ZNF71: variants seen among roughly 807,000 people sequenced by gnomAD.
The protein encoded by ZNF71 is zinc finger protein 71.
In ZNF71, 3 loss-of-function variants were observed where a neutral mutation model predicts 6.7. The ratio of observed to expected loss-of-function variants is 0.45; its 90% CI spans 0.20 to 1.16. The LOEUF (loss-of-function observed/expected upper bound fraction) is 1.16, where lower values mean the gene tolerates loss of function less well. Among genes scored for constraint, ZNF71 ranks in the 50% most tolerant of loss-of-function variants. The pLI is 0.25. For missense variants in ZNF71, 688 were observed against 728.6 expected (o/e 0.94, Z 0.64); for synonymous variants, 343 against 311.1 (o/e 1.10, Z -1.08).
At chr19:56,611,197 G>T (rs1478525683) in intron 2 of ZNF71, among the ~76,000 whole-genome samples, 1 of 152,184 alleles carries the variant, frequency 6.6e-6, no homozygotes, top group African/African-American at 2.4e-5. Flanking sequence ...GGCTGGCAGG[G>T]CTGGAGCAGA....
At chr19:56,614,002 A>G (rs994769883) in intron 3 of ZNF71, 64 bp downstream of exon 3, 1 of 141,774 alleles carries the variant, frequency 7.1e-6, no homozygotes, top group Non-Finnish European at 1.2e-5. Context: ...CAAATAAATT[A>G]AAAAAAAAAA....
intron 2 of ZNF71, among the ~76,000 whole-genome samples, chr19:56,608,036 A>G (rs1246598934): frequency 6.6e-6 from 1 of 152,232 alleles, no homozygotes; most frequent in Non-Finnish European, 1.5e-5. Context: ...ATCCAAGGGA[A>G]AAAGAGGGAG....
At chr19:56,617,463 C>T (rs767387198) in intron 3 of ZNF71, among the ~76,000 whole-genome samples, 2 of 151,344 alleles carry the variant, frequency 1.3e-5, no homozygotes, top group Non-Finnish European at 2.9e-5. Context: ...TAATCAGAAA[C>T]AAGCATAGAA....
At position 56,622,182 on chromosome 19, in the gene ZNF71, G is replaced by A. The variant is rs761273823; in HGVS notation, c.1075G>A (p.Ala359Thr). ...QRTHTGEKPY[A>T]CKECGKAFNK... The stretch of plus-strand genomic sequence containing the variant: ...CACGCACACCGGGGAGAAGCCGTAC[G>A]CCTGCAAGGAGTGCGGCAAGGCCTT... Residue 359 changes from alanine (A) to threonine (T), a missense_variant, in exon 4 of 4, where the codon GCC becomes ACC. Transcript: ENST00000599599. The A allele has an allele frequency of 8.1e-6, 13 of 1,613,492 alleles. No homozygotes were observed. The African/African-American group carries it at 1.6e-4, about 20-fold the overall frequency.
Position 56,622,256 on chromosome 19 carries a change from G to A in ZNF71, c.1149G>A (p.Glu383=), listed in dbSNP as rs1305034532. Residue 383 remains glutamate, a synonymous_variant, in exon 4 of 4, where the codon GAG becomes GAA. Transcript: ENST00000599599. ...TGCACCAGAGGAACCACACCGGCGA[G>A]AAGCCCTACGTGTGCGGCGAGTGCG... is the stretch of plus-strand genomic sequence containing the variant. ...LTLHQRNHTG[E]KPYVCGECGK... is the part of the protein sequence containing the mutation. 2 of 1,609,106 alleles carry A rather than the reference G, an allele frequency of 1.2e-6. No individual in the cohort carries two copies. Among genetic ancestry groups the A allele is most frequent in the East Asian group, 2.2e-5 (1 of 44,866 alleles).
At position 56,597,331 on chromosome 19, in the gene ZNF71, G is replaced by A. The variant is rs2044633450; in HGVS notation, c.-53+1903G>A. Reference sequence around the variant, plus strand: ...GGAATTTTTTTTTATATTAAATTGTGTTTCAAAAATGTTGATGGTAATATG... The same window carrying A: ...GGAATTTTTTTTTATATTAAATTGTATTTCAAAAATGTTGATGGTAATATG... On this transcript the variant is annotated intron_variant, in intron 1 of 3. Coordinates refer to ENST00000599599, the MANE Select transcript of ZNF71 (RefSeq NM_001370215.1). Among the ~76,000 whole-genome samples, 5 of 152,212 alleles carry A rather than the reference G, an allele frequency of 3.3e-5. No homozygotes were observed. The South Asian group carries it at 1.0e-3, about 32-fold the overall frequency.
intron 3 of ZNF71, among the ~76,000 whole-genome samples, chr19:56,615,469 G>A (rs58001430): frequency 0.021 from 3,161 of 151,736 alleles, 120 homozygotes; most frequent in African/African-American, 0.072. Flanking sequence ...TCATCACTGC[G>A]CTTTTCATTT....
Position 56,621,802 on chromosome 19 carries a change from C to G in ZNF71, c.695C>G (p.Ser232Cys), listed in dbSNP as rs2044852973. The G allele has an allele frequency of 1.2e-6, 2 of 1,613,974 alleles. No individual in the cohort carries two copies. Among genetic ancestry groups the G allele is most frequent in the South Asian group, 2.2e-5 (2 of 91,076 alleles). ...GGGAAGCACTTCATCGAGCGCTCGTCCCTCACCATCCACCAGCGGGTGCAC... is the reference window on the plus strand; with the variant it reads ...GGGAAGCACTTCATCGAGCGCTCGTGCCTCACCATCCACCAGCGGGTGCAC... ...TCGKHFIERS[S>C]LTIHQRVHTG... The change falls in exon 4 of 4, where the codon TCC becomes TGC. Residue 232 changes from serine to cysteine, a missense_variant. By Grantham distance (112) the Ser-to-Cys change is moderately radical (BLOSUM62 -1). Coordinates refer to ENST00000599599, the MANE Select transcript of ZNF71 (RefSeq NM_001370215.1).
intron 2 of ZNF71, among the ~76,000 whole-genome samples, chr19:56,606,235 G>A (rs2044709273): frequency 6.6e-6 from 1 of 152,264 alleles, no homozygotes; most frequent in African/African-American, 2.4e-5. Flanking sequence ...CCTGGTGCAT[G>A]GCAGGCACTT....
At position 56,622,162 on chromosome 19, in the gene ZNF71, A is replaced by G; in HGVS notation, c.1055A>G (p.His352Arg). 1.2e-6 allele frequency: 2 copies of G among 1,613,848 alleles called. No individual in the cohort carries two copies. Among genetic ancestry groups the G allele is most frequent in the Non-Finnish European group, 1.7e-6 (2 of 1,179,900 alleles). ...CACCTGACCGAGCACCAGCGCACGC[A>G]CACCGGGGAGAAGCCGTACGCCTGC... ...NMHLTEHQRT[H>R]TGEKPYACKE... is the part of the protein sequence containing the mutation. The change falls in exon 4 of 4, where the codon CAC becomes CGC. Residue 352 changes from histidine to arginine, a missense_variant. Physicochemically the swap from His to Arg is conservative, Grantham distance 29 (BLOSUM62 0). Transcript: ENST00000599599.
Position 56,622,679 on chromosome 19 carries a change from GC to G in ZNF71, c.1575del (p.Tyr526ThrfsTer16). The G allele has an allele frequency of 6.2e-7, 1 of 1,614,158 alleles. No homozygotes were observed. Among genetic ancestry groups the G allele is most frequent in the African/African-American group, 1.3e-5 (1 of 75,076 alleles). On this transcript the variant is annotated frameshift_variant, in exon 4 of 4. Coordinates refer to ENST00000599599, the MANE Select transcript of ZNF71 (RefSeq NM_001370215.1). LOFTEE classifies it low-confidence loss of function (END_TRUNC). The stretch of plus-strand genomic sequence containing the variant: ...ACCAGCGGATCCACACGGGCGAGAA[GC>G]CCTACCGATGCGGCGAGTGCGGGAA... Reference protein sequence around the residue: ...VHQRIHTGEKPYRCGECGKTF... With the variant: ...VHQRIHTGEKXYRCGECGKTF...
intron 2 of ZNF71, among the ~76,000 whole-genome samples, chr19:56,602,568 C>G (rs1339774565): frequency 1.3e-5 from 2 of 152,144 alleles, no homozygotes; most frequent in Non-Finnish European, 2.9e-5. Context: ...TGATAGGGGA[C>G]AAATGGTGCC....
rs918136724 is a variant in ZNF71, at chr19:56,603,991, G to A, written c.33+2400G>A. Among the ~76,000 whole-genome samples, 5 of 152,124 alleles carry A rather than the reference G, an allele frequency of 3.3e-5. No individual in the cohort carries two copies. Among genetic ancestry groups the A allele is most frequent in the African/African-American group, 1.2e-4 (5 of 41,414 alleles). On this transcript the variant is annotated intron_variant, in intron 2 of 3. Transcript: ENST00000599599. This position sits in a 1 kb window ranked among gnomAD's most constrained non-coding sequence, Gnocchi z 4.6. Reference sequence around the variant, plus strand: ...TTTGTTAGCACTTCTGTCCCAACACGATGGGCTCCCAGACCTGGAAGGCTG... The same window carrying A: ...TTTGTTAGCACTTCTGTCCCAACACAATGGGCTCCCAGACCTGGAAGGCTG...
Position 56,622,342 on chromosome 19 carries a change from A to G in ZNF71, c.1235A>G (p.Lys412Arg). 1 of 1,612,410 alleles carries G rather than the reference A, an allele frequency of 6.2e-7. No individual in the cohort carries two copies. The highest frequency in any genetic ancestry group is 8.5e-7 in the Non-Finnish European group (1 of 1,179,286). The change falls in exon 4 of 4, where the codon AAG (lysine) becomes AGG (arginine). Residue 412 changes from lysine to arginine, a missense_variant. Lys to Arg is a conservative substitution (Grantham distance 26, BLOSUM62 2). Coordinates refer to ENST00000599599, the MANE Select transcript of ZNF71 (RefSeq NM_001370215.1). ...IQHQRFHIGV[K>R]PFECSECGKA... is the part of the protein sequence containing the mutation. Reference sequence around the variant, plus strand: ...CACCAGCGCTTCCACATCGGCGTGAAGCCGTTCGAGTGCAGCGAGTGCGGC... The same window carrying G: ...CACCAGCGCTTCCACATCGGCGTGAGGCCGTTCGAGTGCAGCGAGTGCGGC...
In ZNF71 at chr19:56,613,002, C is replaced by T. The variant is rs533535552; in HGVS notation, c.34-810C>T. ...CCCATACCAACCACTTAGAGTAGTA[C>T]CTGGCACATAGCAGCTGCTGCATAA... is the stretch of plus-strand genomic sequence containing the variant. On this transcript the variant is annotated intron_variant, in intron 2 of 3. Coordinates refer to ENST00000599599, the MANE Select transcript of ZNF71 (RefSeq NM_001370215.1). The surrounding 1 kb of genome is among the most constrained non-coding windows in gnomAD (Gnocchi z 4.6). Among the ~76,000 whole-genome samples, 111 of 152,112 alleles carry T rather than the reference C, an allele frequency of 7.3e-4. No individual in the cohort carries two copies. Among genetic ancestry groups the T allele is most frequent in the Non-Finnish European group, 1.4e-3 (94 of 68,024 alleles).
rs780402109 is a variant in ZNF71 at position 56,621,336 on chromosome 19, G to A, written c.229G>A (p.Val77Ile). 47 of 1,544,084 alleles carry A rather than the reference G, an allele frequency of 3.0e-5. No homozygotes were observed. Among genetic ancestry groups the A allele is most frequent in the African/African-American group, 9.6e-5 (7 of 72,550 alleles). Residue 77 changes from valine to isoleucine, a missense_variant, in exon 4 of 4, where the codon GTT (valine) becomes ATT (isoleucine). Physicochemically the swap from Val to Ile is conservative, Grantham distance 29. Coordinates refer to ENST00000599599, the MANE Select transcript of ZNF71 (RefSeq NM_001370215.1). ...TGACATTTCGGAAGACAAGCTCTCC[G>A]TTGTTGGGGAGGCCACGGGGGGACC... Reference protein sequence around the residue: ...KNDISEDKLSVVGEATGGPTR... With the variant: ...KNDISEDKLSIVGEATGGPTR...
rs1364256398 is a variant in ZNF71, at chr19:56,622,529, G to C, written c.1422G>C (p.Glu474Asp). Residue 474 changes from glutamate to aspartate, a missense_variant, in exon 4 of 4, where the codon GAG becomes GAC. Physicochemically the swap from Glu to Asp is conservative, Grantham distance 45. Coordinates refer to ENST00000599599, the MANE Select transcript of ZNF71 (RefSeq NM_001370215.1). The part of the protein sequence containing the change: ...HTGEKPYVCG[E>D]CGKAFSQSAY... ...GGGAGAAGCCCTACGTGTGCGGCGAGTGCGGCAAGGCCTTCAGCCAGAGCG... is the reference window on the plus strand; with the variant it reads ...GGGAGAAGCCCTACGTGTGCGGCGACTGCGGCAAGGCCTTCAGCCAGAGCG... 1.2e-6 allele frequency: 2 copies of C among 1,609,752 alleles called. No homozygotes were observed. The highest frequency in any genetic ancestry group is 1.7e-6 in the Non-Finnish European group (2 of 1,176,872).
rs890553069 is a variant in ZNF71 at position 56,618,025 on chromosome 19, A to G, written c.161-3243A>G. 6.6e-6 allele frequency among the ~76,000 whole-genome samples: 1 copy of G among 152,104 alleles called. No individual in the cohort carries two copies. Among genetic ancestry groups the G allele is most frequent in the African/African-American group, 2.4e-5 (1 of 41,432 alleles). On this transcript the variant is annotated intron_variant, in intron 3 of 3. Transcript: ENST00000599599. This position sits in a 1 kb window ranked among gnomAD's most constrained non-coding sequence, Gnocchi z 4.6. ...AGACAGTCTTCTCTCCACCGAGTCT[A>G]CACCCCACACTACCATCTGTGCCAG...
At position 56,607,288 on chromosome 19, in the gene ZNF71, AGTT is replaced by A. The variant is rs2044717265; in HGVS notation, c.33+5700_33+5702del. Among the ~76,000 whole-genome samples the A allele has an allele frequency of 2.6e-5, 4 of 152,252 alleles. No homozygotes were observed. The South Asian group carries it at 8.3e-4, about 32-fold the overall frequency. ...TGAGTATGATAATTGAGAGTATGAG[AGTT>A]GTATGCTCATTTTGGGCAAATACTC... On this transcript the variant is annotated intron_variant, in intron 2 of 3. Coordinates refer to ENST00000599599, the MANE Select transcript of ZNF71 (RefSeq NM_001370215.1).
Sources: gnomAD v4.1 joint callset for allele counts (sites outside exome capture counted in the v4.1 genomes callset) on GRCh38, gnomAD v4.1.1 for gene constraint, Gnocchi (gnomAD v3.1) non-coding constraint, MANE v1.5 for transcripts, NCBI Gene and HGNC (gene_info 2026-07-23, HGNC 2026-07-21) for gene names.